PTPRD: variants seen among roughly 807,000 people sequenced by gnomAD.
PTPRD encodes receptor-type tyrosine-protein phosphatase delta.
A neutral mutation model predicts 214.5 loss-of-function variants in PTPRD; 34 were observed. The observed-to-expected ratio is 0.16, with a 90% CI of 0.12 to 0.21. PTPRD has a LOEUF of 0.21. PTPRD is among the 10% of genes least tolerant of loss of function. PTPRD has a pLI of 1.00. For missense variants in PTPRD, 2,545 were observed against 2,398.7 expected, an observed-to-expected ratio of 1.06 and a Z score of -1.27; for synonymous variants, 1,128 against 845.7, an observed-to-expected ratio of 1.33 and a Z score of -5.79.
chr9:10,156,966 G>C (rs2099097359), intron 3 of PTPRD, among the ~76,000 whole-genome samples: 1 of 151,950 alleles, frequency 6.6e-6, no homozygotes. Context: ...GCTTTTTTCT[G>C]TTTTCCATTT....
At position 8,346,814 on chromosome 9, in the gene PTPRD, T is replaced by C. The variant is rs991056275; in HGVS notation, c.4662-4836A>G. On this transcript the variant is annotated intron_variant, in intron 39 of 45. Transcript: ENST00000381196. ...TCAATAAGGAAAGAAAGAGAAATCGTATGCTGAGGTTGCTAAGATCTATGG... is the reference window on the plus strand; with the variant it reads ...TCAATAAGGAAAGAAAGAGAAATCGCATGCTGAGGTTGCTAAGATCTATGG... 2.0e-5 allele frequency among the ~76,000 whole-genome samples: 3 copies of C among 152,264 alleles called. No homozygotes were observed. The South Asian group carries it at 6.2e-4, about 32-fold the overall frequency.
intron 3 of PTPRD, among the ~76,000 whole-genome samples, chr9:10,300,823 C>T (rs1237605481): frequency 3.3e-5 from 5 of 152,046 alleles, no homozygotes; most frequent in African/African-American, 4.8e-5. Flanking sequence ...GGGGAAGGGG[C>T]GGCTGTGGGT....
intron 5 of PTPRD, among the ~76,000 whole-genome samples, chr9:9,839,419 G>C (rs1011532004): frequency 6.6e-6 from 1 of 152,164 alleles, no homozygotes; most frequent in African/African-American, 2.4e-5. Context: ...CAGACAAACA[G>C]AGAGGGAAAT....
chr9:10,299,417 T>G lies in PTPRD; in HGVS notation c.-545+41546A>C, dbSNP rs2095794007. The stretch of plus-strand genomic sequence containing the variant: ...TGTTAATTTCAGCTACCCTATAAAC[T>G]AGCTGCATGATTATGAAAAAGATGT... On this transcript the variant is annotated intron_variant, in intron 3 of 45. Coordinates refer to ENST00000381196, the MANE Select transcript of PTPRD (RefSeq NM_002839.4). Among the ~76,000 whole-genome samples, 3 of 152,282 alleles carry G rather than the reference T, an allele frequency of 2.0e-5. No individual in the cohort carries two copies. In the South Asian group the frequency reaches 6.2e-4, roughly 32 times the overall value.
chr9:9,467,811 G>A (rs996817138), intron 8 of PTPRD, among the ~76,000 whole-genome samples: 3 of 151,906 alleles, frequency 2.0e-5, no homozygotes, highest in Non-Finnish European at 4.4e-5. Context: ...AGTTTACGTG[G>A]TTAATTACAC....
At chr9:9,305,255 T>C (rs967552849) in intron 9 of PTPRD, among the ~76,000 whole-genome samples, 3 of 151,994 alleles carry the variant, frequency 2.0e-5, no homozygotes, top group African/African-American at 4.8e-5. Flanking sequence ...ATTGTAGATA[T>C]TTACTTTTTT....
chr9:9,319,907 G>A (rs1265831921), intron 9 of PTPRD, among the ~76,000 whole-genome samples: 5 of 152,180 alleles, frequency 3.3e-5, no homozygotes, highest in East Asian at 1.9e-4. Flanking sequence ...GTAACTGCAT[G>A]GTTACATAAA....
At chr9:8,650,610 TG>T (rs1447059802) in intron 12 of PTPRD, among the ~76,000 whole-genome samples, 1 of 151,612 alleles carries the variant, frequency 6.6e-6, no homozygotes, top group African/African-American at 2.4e-5. Flanking sequence ...AAAGTTGACT[TG>T]CCTATACACC....
chr9:10,431,743 C>G (rs951120660), intron 2 of PTPRD, among the ~76,000 whole-genome samples: 2 of 152,108 alleles, frequency 1.3e-5, no homozygotes, highest in African/African-American at 4.8e-5. Context: ...GAGATACCAT[C>G]TCACACCAGT....
intron 4 of PTPRD, among the ~76,000 whole-genome samples, chr9:10,005,867 C>T (rs1462258098): frequency 2.0e-5 from 3 of 151,694 alleles, no homozygotes; most frequent in Non-Finnish European, 4.4e-5. Flanking sequence ...CAAAATTGTA[C>T]TAAAATATAC....
At chr9:9,427,284 G>A (rs1173055444) in intron 8 of PTPRD, among the ~76,000 whole-genome samples, 4 of 152,166 alleles carry the variant, frequency 2.6e-5, no homozygotes, top group South Asian at 4.1e-4. Context: ...TTCAGTAGCC[G>A]ATTTGATCAA....
chr9:9,834,312 A>T (rs371423334), intron 5 of PTPRD, among the ~76,000 whole-genome samples: 1 of 152,044 alleles, frequency 6.6e-6, no homozygotes, highest in African/African-American at 2.4e-5. Context: ...AATTTATCAT[A>T]ATCTCCATGC....
chr9:9,487,825 A>C (rs999409207), intron 8 of PTPRD, among the ~76,000 whole-genome samples: 2 of 152,202 alleles, frequency 1.3e-5, no homozygotes, highest in African/African-American at 4.8e-5. Flanking sequence ...GGTCAAAACT[A>C]AGTAATATCA....
At chr9:8,499,927 CT>C in intron 24 of PTPRD, 87 bp from the exon 25 acceptor site, 1 of 1,201,484 alleles carries the variant, frequency 8.3e-7, no homozygotes. Context: ...ACTTAGGTTT[CT>C]CTTTCAAAAA....
At chr9:9,015,336 G>T (rs990474214) in intron 11 of PTPRD, among the ~76,000 whole-genome samples, 2 of 152,040 alleles carry the variant, frequency 1.3e-5, no homozygotes, top group African/African-American at 4.8e-5. Flanking sequence ...AAAGGAGCTG[G>T]CCAAAACCCA....
At chr9:8,618,307 A>G (rs1564752416) in intron 14 of PTPRD, among the ~76,000 whole-genome samples, 1 of 152,244 alleles carries the variant, frequency 6.6e-6, no homozygotes, top group East Asian at 1.9e-4. Context: ...TTAATCTGAT[A>G]CATATTAAAT....
intron 14 of PTPRD, among the ~76,000 whole-genome samples, chr9:8,594,659 C>A (rs4407940): frequency 6.6e-6 from 1 of 151,940 alleles, no homozygotes; most frequent in Non-Finnish European, 1.5e-5. Flanking sequence ...TTTGACTGTT[C>A]CTCCTTCCGA....
intron 39 of PTPRD, among the ~76,000 whole-genome samples, chr9:8,367,868 A>C (rs988594433): frequency 1.3e-5 from 2 of 152,166 alleles, no homozygotes; most frequent in African/African-American, 4.8e-5. Context: ...CACGGCTCTT[A>C]TTTAATCTTT....
At chr9:9,262,740 T>C (rs1266432749) in intron 9 of PTPRD, among the ~76,000 whole-genome samples, 5 of 151,698 alleles carry the variant, frequency 3.3e-5, no homozygotes, top group African/African-American at 7.2e-5. Flanking sequence ...TTATTTTTAA[T>C]GCCATGTTTC....
Sources: gnomAD v4.1 joint callset for allele counts (sites outside exome capture counted in the v4.1 genomes callset) on GRCh38, gnomAD v4.1.1 for gene constraint, MANE v1.5 for transcripts, NCBI Gene and HGNC (gene_info 2026-07-23, HGNC 2026-07-21) for gene names.